RIMS2: variants seen among roughly 807,000 people sequenced by gnomAD.
The protein encoded by RIMS2 is regulating synaptic membrane exocytosis protein 2.
RIMS2 carries 59 observed loss-of-function variants against 174.4 expected under a neutral mutation model. That is an observed-to-expected ratio of 0.34 (90% CI 0.27 to 0.42). The LOEUF (loss-of-function observed/expected upper bound fraction) is 0.42. RIMS2 is among the 10% of genes least tolerant of loss of function. The probability of loss-of-function intolerance (pLI) is 1.00; values close to 1 mark genes in which losing one functional copy is unlikely to be tolerated. For missense variants in RIMS2, 1,620 were observed against 1,666.3 expected (o/e 0.97, Z 0.48); for synonymous variants, 606 against 572.5 (o/e 1.06, Z -0.84).
At chr8:103,909,326 A>C (rs1038826308) in intron 4 of RIMS2, among the ~76,000 whole-genome samples, 3 of 152,036 alleles carry the variant, frequency 2.0e-5, no homozygotes, top group Non-Finnish European at 4.4e-5. Context: ...AAAATATTTT[A>C]TATTTTGAAA....
chr8:103,722,809 C>T (rs1383917122), intron 2 of RIMS2, among the ~76,000 whole-genome samples: 2 of 152,188 alleles, frequency 1.3e-5, no homozygotes, highest in Non-Finnish European at 2.9e-5. Flanking sequence ...CTGACTAGGA[C>T]AGAGCTGGGA....
At chr8:103,789,749 C>CTTTTTTTTTTTTT (rs11354049) in intron 3 of RIMS2, among the ~76,000 whole-genome samples, 9 of 85,160 alleles carry the variant, frequency 1.1e-4, no homozygotes, top group Admixed American at 1.5e-4. Flanking sequence ...GGATTGTACT[C>CTTTTTTTTTTTTT]TTTTTTTTTT....
chr8:104,099,986 T>G (rs1008378699), intron 19 of RIMS2, among the ~76,000 whole-genome samples: 10 of 151,748 alleles, frequency 6.6e-5, no homozygotes, highest in African/African-American at 2.4e-4. Flanking sequence ...CCCAGCTAAT[T>G]TTTTAAAAAT....
intron 19 of RIMS2, among the ~76,000 whole-genome samples, chr8:104,189,823 A>C (rs1485586823): frequency 6.6e-6 from 1 of 151,896 alleles, no homozygotes; most frequent in Non-Finnish European, 1.5e-5. Flanking sequence ...AGACAGAAAA[A>C]AACCAATAAT....
At chr8:103,767,763 C>T (rs2154425216) in intron 3 of RIMS2, among the ~76,000 whole-genome samples, 1 of 152,220 alleles carries the variant, frequency 6.6e-6, no homozygotes, top group East Asian at 1.9e-4. Flanking sequence ...AATGACTGCA[C>T]CAGTTCTTTT....
At chr8:103,525,347 A>C (rs756714176) in intron 1 of RIMS2, among the ~76,000 whole-genome samples, 5 of 152,248 alleles carry the variant, frequency 3.3e-5, no homozygotes, top group Admixed American at 6.5e-5. Flanking sequence ...AATAGCTCTT[A>C]GAAAAGTTGA....
chr8:104,160,962 C>T (rs2098757257), intron 19 of RIMS2, among the ~76,000 whole-genome samples: 1 of 152,094 alleles, frequency 6.6e-6, no homozygotes, highest in African/African-American at 2.4e-5. Context: ...TCAAGCAGGC[C>T]TGAATTCAGG....
intron 1 of RIMS2, among the ~76,000 whole-genome samples, chr8:103,548,594 C>A (rs564297699): frequency 3.9e-5 from 6 of 152,262 alleles, no homozygotes; most frequent in Admixed American, 2.0e-4. Context: ...AAACATTTAT[C>A]TTGAGAACAG....
intron 1 of RIMS2, among the ~76,000 whole-genome samples, chr8:103,581,109 C>A (rs1014243294): frequency 6.6e-6 from 1 of 152,082 alleles, no homozygotes; most frequent in African/African-American, 2.4e-5. Context: ...TGAGCCACCA[C>A]ACCTGGCCGA....
intron 1 of RIMS2, among the ~76,000 whole-genome samples, chr8:103,605,289 T>C (rs2094997676): frequency 6.9e-6 from 1 of 144,712 alleles, no homozygotes; most frequent in Non-Finnish European, 1.5e-5. Context: ...TCTGTTTGTA[T>C]GCTGGATTAC....
chr8:103,984,723 G>A (rs985620562), intron 16 of RIMS2, among the ~76,000 whole-genome samples: 1 of 152,140 alleles, frequency 6.6e-6, no homozygotes, highest in Non-Finnish European at 1.5e-5. Context: ...AAGGGAAATC[G>A]GTATATCAAA....
rs997749470 is a variant in RIMS2 at position 103,838,632 on chromosome 8, C to G, written c.699-46666C>G. Reference sequence around the variant, plus strand: ...CGTCAGAGTGTCTACCATTCTATTACTTCTCAAAAGTTACGAATATTTTGG... The same window carrying G: ...CGTCAGAGTGTCTACCATTCTATTAGTTCTCAAAAGTTACGAATATTTTGG... On this transcript the variant is annotated intron_variant, in intron 3 of 23. Transcript: ENST00000504942. Among the ~76,000 whole-genome samples the G allele has an allele frequency of 3.9e-5, 6 of 152,220 alleles. No individual in the cohort carries two copies. In the East Asian group the frequency reaches 9.7e-4, roughly 24 times the overall value.
At chr8:104,186,871 A>T (rs997098071) in intron 19 of RIMS2, among the ~76,000 whole-genome samples, 5 of 151,836 alleles carry the variant, frequency 3.3e-5, no homozygotes, top group Admixed American at 2.0e-4. Flanking sequence ...TAAAAAGACC[A>T]GACCTCTAGC....
chr8:103,981,637 A>G (rs765822634), intron 16 of RIMS2, among the ~76,000 whole-genome samples: 17 of 152,202 alleles, frequency 1.1e-4, no homozygotes, highest in South Asian at 4.1e-4. Context: ...GAAATTCTAT[A>G]TAACACAGAG....
chr8:104,104,383 T>A (rs9942756), intron 19 of RIMS2, among the ~76,000 whole-genome samples: 26,336 of 152,130 alleles, frequency 0.17, 2,407 homozygotes, highest in South Asian at 0.31. Context: ...AACAGTTAAG[T>A]CACACTATAG....
chr8:103,795,737 A>T (rs1187314383), intron 3 of RIMS2, among the ~76,000 whole-genome samples: 1 of 152,172 alleles, frequency 6.6e-6, no homozygotes, highest in African/African-American at 2.4e-5. Flanking sequence ...TTTAGTTGAC[A>T]TTTGAGATTG....
chr8:103,935,165 A>G (rs2080963660), intron 12 of RIMS2, among the ~76,000 whole-genome samples: 1 of 152,228 alleles, frequency 6.6e-6, no homozygotes, highest in African/African-American at 2.4e-5. Flanking sequence ...GAAAGGAGGG[A>G]GAGAAAGATC....
At chr8:103,586,324 T>G (rs889243895) in intron 1 of RIMS2, among the ~76,000 whole-genome samples, 4 of 152,200 alleles carry the variant, frequency 2.6e-5, no homozygotes, top group African/African-American at 4.8e-5. Context: ...TGGATCATTC[T>G]CAAAGATAGA....
chr8:103,910,588 G>T (rs2154527112), intron 5 of RIMS2, 59 bp downstream of exon 8: 1 of 973,920 alleles, frequency 1.0e-6, no homozygotes, highest in East Asian at 2.5e-5. Context: ...TTTGCTCTCT[G>T]TCACTCATTA....
Sources: gnomAD v4.1 joint callset for allele counts (sites outside exome capture counted in the v4.1 genomes callset) on GRCh38, gnomAD v4.1.1 for gene constraint, MANE v1.5 for transcripts, NCBI Gene and HGNC (gene_info 2026-07-23, HGNC 2026-07-21) for gene names.